EPHA7: variants seen among roughly 807,000 people sequenced by gnomAD.
The protein encoded by EPHA7 is ephrin type-A receptor 7.
A neutral mutation model predicts 112.6 loss-of-function variants in EPHA7; 25 were observed. The ratio of observed to expected loss-of-function variants is 0.22; its 90% CI spans 0.16 to 0.31. The LOEUF (loss-of-function observed/expected upper bound fraction) is 0.31. Among genes scored for constraint, EPHA7 ranks in the 10% least tolerant of loss-of-function variants. The pLI, the probability that EPHA7 is intolerant of heterozygous loss-of-function variation, is 1.00. For synonymous variants in EPHA7, 437 were observed against 406.5 expected, an observed-to-expected ratio of 1.07 and a Z score of -0.90; for missense variants, 962 against 1,212.6, an observed-to-expected ratio of 0.79 and a Z score of 3.07.
intron 5 of EPHA7, among the ~76,000 whole-genome samples, chr6:93,332,507 T>C (rs567887086): frequency 5.7e-4 from 87 of 151,700 alleles, no homozygotes; most frequent in Non-Finnish European, 1.1e-3. Context: ...TATTTTTATA[T>C]GCAATTTATA....
At chr6:93,390,146 A>G (rs769138142) in intron 3 of EPHA7, among the ~76,000 whole-genome samples, 20 of 151,808 alleles carry the variant, frequency 1.3e-4, no homozygotes, top group African/African-American at 4.8e-4. Flanking sequence ...CCAAAATTCA[A>G]CTTGAATCTA....
intron 14 of EPHA7, among the ~76,000 whole-genome samples, chr6:93,248,729 A>T (rs393351): frequency 0.65 from 97,796 of 151,370 alleles, 32,622 homozygotes; most frequent in South Asian, 0.83. Flanking sequence ...TTGCTCTGTA[A>T]CTAGGCTCTG....
At chr6:93,312,647 T>C (rs996021047) in intron 5 of EPHA7, among the ~76,000 whole-genome samples, 1 of 152,214 alleles carries the variant, frequency 6.6e-6, no homozygotes, top group African/African-American at 2.4e-5. Context: ...ACTTTTCATT[T>C]CTTTCAAGAA....
intron 5 of EPHA7, among the ~76,000 whole-genome samples, chr6:93,327,288 T>C (rs1349057204): frequency 6.6e-6 from 1 of 151,560 alleles, no homozygotes; most frequent in Non-Finnish European, 1.5e-5. Flanking sequence ...AATTTTTCTA[T>C]TATCTCAATG....
At chr6:93,321,224 T>C (rs1386895941) in intron 5 of EPHA7, among the ~76,000 whole-genome samples, 1 of 152,044 alleles carries the variant, frequency 6.6e-6, no homozygotes, top group African/African-American at 2.4e-5. Context: ...GAATCAAAAC[T>C]TCCTGAGTGT....
chr6:93,257,904 A>G (rs1331773750), intron 11 of EPHA7, among the ~76,000 whole-genome samples, 195 bp downstream of exon 11: 1 of 151,930 alleles, frequency 6.6e-6, no homozygotes, highest in East Asian at 1.9e-4. Flanking sequence ...CTAATCTTGC[A>G]TTCATTTTTT....
chr6:93,371,643 T>C (rs1776803931), intron 3 of EPHA7, among the ~76,000 whole-genome samples: 1 of 152,200 alleles, frequency 6.6e-6, no homozygotes, highest in South Asian at 2.1e-4. Context: ...ATAAAGTAAA[T>C]GTATACATTT....
intron 5 of EPHA7, among the ~76,000 whole-genome samples, chr6:93,278,175 A>G (rs1650417889): frequency 6.6e-6 from 1 of 152,012 alleles, no homozygotes; most frequent in African/African-American, 2.4e-5. Flanking sequence ...AGAAAAATCT[A>G]TAAGTAAAAG....
At chr6:93,295,582 T>C (rs1310167893) in intron 5 of EPHA7, among the ~76,000 whole-genome samples, 1 of 151,850 alleles carries the variant, frequency 6.6e-6, no homozygotes, top group East Asian at 1.9e-4. Context: ...TTTATTTTTA[T>C]AGTCAATTTT....
intron 5 of EPHA7, among the ~76,000 whole-genome samples, chr6:93,313,386 T>C (rs953167918): frequency 6.6e-6 from 1 of 151,024 alleles, no homozygotes; most frequent in Admixed American, 6.6e-5. Flanking sequence ...AGATGAAGAG[T>C]TGGGAAAATT....
chr6:93,331,491 A>T (rs1042232326), intron 5 of EPHA7, among the ~76,000 whole-genome samples: 1 of 151,394 alleles, frequency 6.6e-6, no homozygotes, highest in Admixed American at 6.6e-5. Context: ...CCAAACCTAG[A>T]CATGAGTCTT....
At position 93,419,349 on chromosome 6, in the gene EPHA7, G is replaced by A. The variant is rs1340343997; in HGVS notation, c.-8C>T. 6.2e-7 allele frequency: 1 copy of A among 1,606,538 alleles called. No individual in the cohort carries two copies. ...CCGAGTTTGAAAAACCATGGTGCATGAGCAGGTTTTATTTTAGGTTTCAGT... is the reference window on the plus strand; with the variant it reads ...CCGAGTTTGAAAAACCATGGTGCATAAGCAGGTTTTATTTTAGGTTTCAGT... On this transcript the variant is annotated 5_prime_UTR_variant, in exon 1 of 17. Coordinates refer to ENST00000369303, the MANE Select transcript of EPHA7 (RefSeq NM_004440.4).
intron 5 of EPHA7, among the ~76,000 whole-genome samples, chr6:93,340,046 G>A (rs1775066824): frequency 6.6e-6 from 1 of 151,614 alleles, no homozygotes; most frequent in Admixed American, 6.6e-5. Context: ...TAAACATAGG[G>A]ACAGATGTTA....
At chr6:93,359,110 T>C (rs933365426) in intron 3 of EPHA7, among the ~76,000 whole-genome samples, 5 of 152,238 alleles carry the variant, frequency 3.3e-5, no homozygotes, top group Admixed American at 2.0e-4. Context: ...AAGTAGATTA[T>C]GGCCCTGTTT....
rs146048225 is a variant in EPHA7, at chr6:93,324,506, A to G, written c.1324+32211T>C. Among the ~76,000 whole-genome samples the G allele has an allele frequency of 4.6e-3, 700 of 151,510 alleles. 12 individuals are homozygous for G. The highest frequency in any genetic ancestry group is 0.016 in the African/African-American group (674 of 41,482). ...TAGCAGGATTGGCCTTGAGGCAAAA[A>G]TGGGATCACAGAACTCATACAACAT... On this transcript the variant is annotated intron_variant, in intron 5 of 16. Transcript: ENST00000369303.
At chr6:93,403,725 T>C (rs1778547582) in intron 3 of EPHA7, among the ~76,000 whole-genome samples, 1 of 150,506 alleles carries the variant, frequency 6.6e-6, no homozygotes. Flanking sequence ...TTTAAATTGA[T>C]ATTTTAAGGA....
chr6:93,336,893 T>A (rs1207844104), intron 5 of EPHA7, among the ~76,000 whole-genome samples: 1 of 146,786 alleles, frequency 6.8e-6, no homozygotes, highest in Non-Finnish European at 1.5e-5. Context: ...ATTATTTTTG[T>A]AAAAAAAAAA....
At chr6:93,292,853 A>G (rs940419888) in intron 5 of EPHA7, among the ~76,000 whole-genome samples, 1 of 152,180 alleles carries the variant, frequency 6.6e-6, no homozygotes, top group Non-Finnish European at 1.5e-5. Context: ...AGAGGTATTC[A>G]AGATAAATCT....
intron 5 of EPHA7, among the ~76,000 whole-genome samples, chr6:93,312,074 G>C (rs1013205406): frequency 1.3e-5 from 2 of 152,150 alleles, no homozygotes; most frequent in African/African-American, 4.8e-5. Context: ...AACACAGACA[G>C]AGTAAATTTA....
Sources: gnomAD v4.1 joint callset for allele counts (sites outside exome capture counted in the v4.1 genomes callset) on GRCh38, gnomAD v4.1.1 for gene constraint, MANE v1.5 for transcripts, NCBI Gene and HGNC (gene_info 2026-07-23, HGNC 2026-07-21) for gene names.